The following NELL1 variants were observed in gnomAD, a reference collection of about 807,000 sequenced individuals.
The protein encoded by NELL1 is protein kinase C-binding protein NELL1.
In NELL1, 76 loss-of-function variants were observed where a neutral mutation model predicts 107.4. That is an observed-to-expected ratio of 0.71 (90% confidence interval 0.59 to 0.86). The LOEUF is 0.86. Among genes scored for constraint, NELL1 ranks in the 40% least tolerant of loss-of-function variants. NELL1 has a pLI of 0.00. For missense variants in NELL1, 1,024 were observed against 1,005.5 expected, an observed-to-expected ratio of 1.02 and a Z score of -0.25; for synonymous variants, 353 against 341.2, an observed-to-expected ratio of 1.03 and a Z score of -0.38.
At chr11:21,067,238 A>G (rs969465956) in intron 12 of NELL1, among the ~76,000 whole-genome samples, 4 of 152,216 alleles carry the variant, frequency 2.6e-5, no homozygotes, top group African/African-American at 7.2e-5. Context: ...TTTAAACATA[A>G]GAGTTCCTAA....
intron 15 of NELL1, among the ~76,000 whole-genome samples, chr11:21,389,591 C>A (rs1490725415): frequency 1.3e-5 from 2 of 151,744 alleles, no homozygotes; most frequent in Non-Finnish European, 2.9e-5. Flanking sequence ...TATAGAAAAG[C>A]ACACCAAGAG....
Position 21,573,302 on chromosome 11 carries a change from A to T in NELL1, c.2275A>T (p.Ile759Phe). The T allele has an allele frequency of 6.2e-7, 1 of 1,612,594 alleles. No individual in the cohort carries two copies. The highest frequency in any genetic ancestry group is 8.5e-7 in the Non-Finnish European group (1 of 1,179,080). ...CVSDPCLADNITYDIRKTCLD... is the reference protein window; with the variant it reads ...CVSDPCLADNFTYDIRKTCLD... ...CAGTGACCCCTGCCTAGCTGATAAC[A>T]TCACCTATGACATCAGAAAAACTTG... is the stretch of plus-strand genomic sequence containing the variant. Residue 759 changes from isoleucine to phenylalanine, a missense_variant, in exon 19 of 20, where the codon ATC becomes TTC. Coordinates refer to ENST00000357134, the MANE Select transcript of NELL1 (RefSeq NM_006157.5).
rs1232863292 is a variant in NELL1 at position 20,805,887 on chromosome 11, C to T, written c.335+22057C>T. Among the ~76,000 whole-genome samples, 3 of 150,430 alleles carry T rather than the reference C, an allele frequency of 2.0e-5. No individual in the cohort carries two copies. In the East Asian group the frequency reaches 5.9e-4, roughly 29 times the overall value. ...AAAAGTAATAAAAACTGCACTTTAACTTCATCCTCTCACTTTTTATCTTGC... is the reference window on the plus strand; with the variant it reads ...AAAAGTAATAAAAACTGCACTTTAATTTCATCCTCTCACTTTTTATCTTGC... On this transcript the variant is annotated intron_variant, in intron 3 of 19. Transcript: ENST00000357134.
intron 4 of NELL1, among the ~76,000 whole-genome samples, chr11:20,863,038 T>C (rs1267491579): frequency 6.6e-6 from 1 of 152,148 alleles, no homozygotes; most frequent in East Asian, 1.9e-4. Context: ...TGATTTCTCT[T>C]TTGCCCACCT....
intron 15 of NELL1, among the ~76,000 whole-genome samples, chr11:21,421,545 C>G (rs536800027): frequency 2.6e-5 from 4 of 152,016 alleles, no homozygotes; most frequent in Non-Finnish European, 5.9e-5. Flanking sequence ...GGTAGAGATA[C>G]AAAGGCAGGA....
At chr11:20,948,923 A>G (rs1317759473) in intron 11 of NELL1, among the ~76,000 whole-genome samples, 1 of 152,144 alleles carries the variant, frequency 6.6e-6, no homozygotes, top group Non-Finnish European at 1.5e-5. Flanking sequence ...CAGCATAGCA[A>G]TTTAGCTCAG....
intron 12 of NELL1, among the ~76,000 whole-genome samples, chr11:21,036,512 T>C (rs2134324742): frequency 6.6e-6 from 1 of 152,242 alleles, no homozygotes; most frequent in Admixed American, 6.5e-5. Context: ...AACAGCATGG[T>C]GTTCTTCAAG....
chr11:21,535,487 C>G (rs1045781094), intron 16 of NELL1, among the ~76,000 whole-genome samples: 1 of 152,122 alleles, frequency 6.6e-6, no homozygotes, highest in African/African-American at 2.4e-5. Flanking sequence ...AACTTCTCCA[C>G]TGATGTTGAT....
chr11:21,314,989 T>C (rs2133653974), intron 14 of NELL1, among the ~76,000 whole-genome samples: 1 of 152,190 alleles, frequency 6.6e-6, no homozygotes, highest in East Asian at 1.9e-4. Flanking sequence ...CCCAAATAGC[T>C]GGGATTACAG....
intron 12 of NELL1, among the ~76,000 whole-genome samples, chr11:20,975,290 G>A (rs186396643): frequency 1.3e-5 from 2 of 151,742 alleles, no homozygotes; most frequent in Admixed American, 1.3e-4. Flanking sequence ...TGCTGGGATT[G>A]CAGGCATGAA....
At chr11:21,418,379 T>C (rs1477028004) in intron 15 of NELL1, among the ~76,000 whole-genome samples, 2 of 152,140 alleles carry the variant, frequency 1.3e-5, no homozygotes, top group Non-Finnish European at 2.9e-5. Flanking sequence ...ATCTACTGAT[T>C]TGCCTTAGTA....
At chr11:21,063,038 A>G (rs9633844) in intron 12 of NELL1, among the ~76,000 whole-genome samples, 41,141 of 151,350 alleles carry the variant, frequency 0.27, 5,778 homozygotes, top group South Asian at 0.4. Context: ...AGGAGAGATG[A>G]GGTTTCACCA....
intron 15 of NELL1, among the ~76,000 whole-genome samples, chr11:21,442,651 C>T (rs983541195): frequency 2.6e-5 from 4 of 152,228 alleles, no homozygotes; most frequent in Middle Eastern, 3.4e-3. Flanking sequence ...GTGCATGGAA[C>T]TTTGCTAGGT....
chr11:20,792,784 G>A (rs2133992750), intron 3 of NELL1, among the ~76,000 whole-genome samples: 1 of 152,016 alleles, frequency 6.6e-6, no homozygotes, highest in South Asian at 2.1e-4. Context: ...AATAAAAGCA[G>A]TAGTAGTAAC....
chr11:20,973,204 G>C (rs942995832), intron 12 of NELL1, among the ~76,000 whole-genome samples: 2 of 149,546 alleles, frequency 1.3e-5, no homozygotes, highest in African/African-American at 4.9e-5. Flanking sequence ...CACCTCCTGG[G>C]TTCAAATGAT....
intron 12 of NELL1, among the ~76,000 whole-genome samples, chr11:21,079,768 C>T (rs1365092225): frequency 1.3e-5 from 2 of 151,998 alleles, no homozygotes; most frequent in Non-Finnish European, 2.9e-5. Flanking sequence ...TTTGTCATTC[C>T]AGGAAGTGTG....
intron 15 of NELL1, among the ~76,000 whole-genome samples, chr11:21,473,525 C>T (rs1854236776): frequency 6.6e-6 from 1 of 151,962 alleles, no homozygotes; most frequent in African/African-American, 2.4e-5. Context: ...CCTAATTCTA[C>T]ACAGACAATT....
intron 13 of NELL1, among the ~76,000 whole-genome samples, chr11:21,131,992 C>T (rs1351538111): frequency 6.6e-6 from 1 of 152,070 alleles, no homozygotes; most frequent in African/African-American, 2.4e-5. Flanking sequence ...AGCTGGTCTC[C>T]CCTTTGAAGT....
chr11:21,278,720 C>G (rs61886269), intron 14 of NELL1, among the ~76,000 whole-genome samples: 36 of 152,190 alleles, frequency 2.4e-4, no homozygotes, highest in Non-Finnish European at 4.6e-4. Flanking sequence ...AAATTTGATT[C>G]AAGATTTTAT....
Sources: gnomAD v4.1 joint callset for allele counts (sites outside exome capture counted in the v4.1 genomes callset) on GRCh38, gnomAD v4.1.1 for gene constraint, MANE v1.5 for transcripts, NCBI Gene and HGNC (gene_info 2026-07-23, HGNC 2026-07-21) for gene names.